Variants in MARS1 observed in about 807,000 individuals in gnomAD.
MARS1 encodes the protein methionine--tRNA ligase, cytoplasmic.
In MARS1, 80 loss-of-function variants were observed where a neutral mutation model predicts 119.5. The ratio of observed to expected loss-of-function variants is 0.67; its 90% confidence interval spans 0.56 to 0.81. MARS1 has a LOEUF of 0.81. Among genes scored for constraint, MARS1 ranks in the 30% least tolerant of loss-of-function variants. The pLI, the probability that MARS1 is intolerant of heterozygous loss-of-function variation, is 0.00. For missense variants in MARS1, 945 were observed against 1,116.5 expected (o/e 0.85, Z 2.19); for synonymous variants, 418 against 433.4 (o/e 0.96, Z 0.44).
chr12:57,516,220 T>C lies in MARS1; in HGVS notation c.2464-25T>C, dbSNP rs780573303. 6.2e-6 allele frequency: 10 copies of C among 1,604,410 alleles called. No individual in the cohort carries two copies. The South Asian group carries it at 9.9e-5, about 16-fold the overall frequency. The stretch of plus-strand genomic sequence containing the variant: ...GAGGTTAGGGGATATTTATGGTTGC[T>C]GGTGATAACTTTGTTGTTCTCCAGG... On this transcript the variant is annotated intron_variant, in intron 19 of 20. Coordinates refer to ENST00000262027, the MANE Select transcript of MARS1 (RefSeq NM_004990.4).
At chr12:57,501,148 T>TA (rs1876898115) in intron 10 of MARS1, among the ~76,000 whole-genome samples, 1 of 152,196 alleles carries the variant, frequency 6.6e-6, no homozygotes, top group African/African-American at 2.4e-5. Context: ...AAGAATGTTC[T>TA]AAGCGGAAGG....
At chr12:57,490,169 C>G (rs187959340) in intron 5 of MARS1, 38 bp from the exon 6 acceptor site, 1 of 1,595,746 alleles carries the variant, frequency 6.3e-7, no homozygotes, top group Non-Finnish European at 8.5e-7. Context: ...CTACCAGGTC[C>G]TTATGTTTGC....
At chr12:57,500,090 G>T in intron 9 of MARS1, 1 of 532,370 alleles carries the variant, frequency 1.9e-6, no homozygotes, top group Non-Finnish European at 3.4e-6. Context: ...CAACAAAAGT[G>T]AATTCTAAAG....
chr12:57,495,702 C>T lies in MARS1; in HGVS notation c.771-2455C>T, dbSNP rs866671204. On this transcript the variant is annotated intron_variant, in intron 7 of 20. Coordinates refer to ENST00000262027, the MANE Select transcript of MARS1 (RefSeq NM_004990.4). ...CGAGATCACGCCACTGCACTCCAGC[C>T]TGGGCAACATTGAGCACTGAGTGAG... 2.0e-5 allele frequency among the ~76,000 whole-genome samples: 3 copies of T among 152,204 alleles called. No individual in the cohort carries two copies. The South Asian group carries it at 6.2e-4, about 32-fold the overall frequency.
intron 7 of MARS1, among the ~76,000 whole-genome samples, chr12:57,493,728 AT>A (rs1349940560): frequency 1.0e-4 from 1 of 9,726 alleles, no homozygotes; most frequent in African/African-American, 6.2e-4. Context: ...TATATATTAT[AT>A]TATATAATAT....
intron 10 of MARS1, among the ~76,000 whole-genome samples, chr12:57,503,394 C>T (rs1238399620): frequency 2.6e-5 from 4 of 152,014 alleles, no homozygotes; most frequent in African/African-American, 4.8e-5. Flanking sequence ...CTACCAAACC[C>T]GGCTAATTTT....
chr12:57,488,283 C>G, intron 1 of MARS1, 84 bp downstream of exon 1: 1 of 1,307,052 alleles, frequency 7.7e-7, no homozygotes, highest in South Asian at 1.3e-5. Flanking sequence ...TTTGCCAAAC[C>G]CCTAGCCCTC....
rs776594860 is a variant in MARS1 at position 57,490,201 on chromosome 12, C to T, written c.491-6C>T. The T allele has an allele frequency of 1.2e-6, 2 of 1,609,994 alleles. No individual in the cohort carries two copies. Among genetic ancestry groups the T allele is most frequent in the Non-Finnish European group, 1.7e-6 (2 of 1,178,430 alleles). On this transcript the variant is annotated splice_region_variant and splice_polypyrimidine_tract_variant and intron_variant, in intron 5 of 20. Coordinates refer to ENST00000262027, the MANE Select transcript of MARS1 (RefSeq NM_004990.4). Reference sequence around the variant, plus strand: ...TTGCTGATTTTCTTTTCTTCCATACCCACAGAGGAGCTGAGTGCCCTGCAC... The same window carrying T: ...TTGCTGATTTTCTTTTCTTCCATACTCACAGAGGAGCTGAGTGCCCTGCAC...
chr12:57,515,952 C>T lies in MARS1; in HGVS notation c.2424C>T (p.Asp808=). ...CCTTGTTCCAAAAATTGGAAAATGA[C>T]CAGATTGAAAGTTTAAGGCAGCGCT... The part of the protein sequence containing the change: ...VSPLFQKLEN[D]QIESLRQRFG... Residue 808 remains aspartate, a synonymous_variant, in exon 19 of 21, where the codon GAC becomes GAT. Transcript: ENST00000262027. 1 of 1,613,984 alleles carries T rather than the reference C, an allele frequency of 6.2e-7. No individual in the cohort carries two copies. The highest frequency in any genetic ancestry group is 8.5e-7 in the Non-Finnish European group (1 of 1,179,966).
At chr12:57,495,996 G>C (rs1381742977) in intron 7 of MARS1, among the ~76,000 whole-genome samples, 3 of 152,188 alleles carry the variant, frequency 2.0e-5, no homozygotes, top group East Asian at 1.9e-4. Flanking sequence ...CGTGGAAAGT[G>C]GGAGACCGTG....
At chr12:57,497,598 C>T (rs757309587) in intron 7 of MARS1, among the ~76,000 whole-genome samples, 8 of 152,024 alleles carry the variant, frequency 5.3e-5, no homozygotes, top group Admixed American at 1.3e-4. Context: ...GAGAGGGTGA[C>T]GGTGAAGGCA....
chr12:57,502,765 C>T (rs1208178278), intron 10 of MARS1, among the ~76,000 whole-genome samples: 15 of 148,414 alleles, frequency 1.0e-4, no homozygotes, highest in South Asian at 4.3e-4. Flanking sequence ...CGGTGGCTCA[C>T]GCCTGTAGTC....
Position 57,515,967 on chromosome 12 carries a change from A to G in MARS1, c.2439A>G (p.Leu813=). ...QKLENDQIES[L]RQRFGGGQAK... is the part of the protein sequence containing the mutation. ...TGGAAAATGACCAGATTGAAAGTTT[A>G]AGGCAGCGCTTTGGAGGGGGCCAGG... Residue 813 remains leucine (L), a synonymous_variant, in exon 19 of 21, where the codon TTA becomes TTG. Transcript: ENST00000262027. 6.2e-7 allele frequency: 1 copy of G among 1,614,158 alleles called. No individual in the cohort carries two copies.
In MARS1 at chr12:57,514,958, C is replaced by T. The variant is rs587777228; in HGVS notation, c.2104C>T (p.Arg702Trp). Residue 702 changes from arginine to tryptophan, a missense_variant, in exon 17 of 21, where the codon CGG becomes TGG. Transcript: ENST00000262027. ...YHQLLEKVRI[R>W]DALRSILTIS... ...GCCTGCTTCCTCCCTTCCCAGGATCCGGGATGCCTTGCGCAGTATCCTCAC... is the reference window on the plus strand; with the variant it reads ...GCCTGCTTCCTCCCTTCCCAGGATCTGGGATGCCTTGCGCAGTATCCTCAC... 20 of 1,614,018 alleles carry T rather than the reference C, an allele frequency of 1.2e-5. No homozygotes were observed. The highest frequency in any genetic ancestry group is 4.5e-5 in the East Asian group (2 of 44,890).
intron 7 of MARS1, among the ~76,000 whole-genome samples, chr12:57,493,763 ATATTATATATAAT>A: frequency 0.03 from 34 of 1,150 alleles, 3 homozygotes; most frequent in Admixed American, 0.05. Flanking sequence ...TATATTATAT[ATATTATATATAAT>A]ATATATTATA....
chr12:57,507,732 G>A (rs547526465), intron 11 of MARS1, among the ~76,000 whole-genome samples: 11 of 141,554 alleles, frequency 7.8e-5, no homozygotes, highest in African/African-American at 2.6e-4. Flanking sequence ...CCTCCCGGAC[G>A]GGGCGGCTGG....
intron 7 of MARS1, among the ~76,000 whole-genome samples, chr12:57,493,930 A>G (rs1255349144): frequency 1.5e-5 from 1 of 65,812 alleles, no homozygotes; most frequent in African/African-American, 7.1e-5. Flanking sequence ...TATAATATAT[A>G]TTATATATTA....
At chr12:57,503,693 C>A (rs886072706) in intron 10 of MARS1, among the ~76,000 whole-genome samples, 1 of 152,100 alleles carries the variant, frequency 6.6e-6, no homozygotes, top group Non-Finnish European at 1.5e-5. Flanking sequence ...AGGTGCACGC[C>A]ACCATGCCCA....
chr12:57,492,398 C>A (rs749595064), intron 7 of MARS1, among the ~76,000 whole-genome samples: 1 of 151,750 alleles, frequency 6.6e-6, no homozygotes, highest in Non-Finnish European at 1.5e-5. Flanking sequence ...CGGCCAGGTG[C>A]GGTGGCTCAT....
Sources: allele counts gnomAD v4.1 joint callset (sites outside exome capture counted in the v4.1 genomes callset), GRCh38; gene constraint gnomAD v4.1.1; transcripts MANE v1.5; gene names NCBI Gene and HGNC (gene_info 2026-07-23, HGNC 2026-07-21).